The following OSBPL2 variants were observed in gnomAD, a reference collection of about 807,000 sequenced individuals.
The protein encoded by OSBPL2 is oxysterol binding protein like 2.
Under a neutral mutation model 58.4 loss-of-function variants are expected in OSBPL2, and 18 were observed. That is an observed-to-expected ratio of 0.31 (90% CI 0.21 to 0.46). The LOEUF (loss-of-function observed/expected upper bound fraction) is 0.46, where lower values mean the gene tolerates loss of function less well. Among genes scored for constraint, OSBPL2 ranks in the 20% least tolerant of loss-of-function variants. The probability of loss-of-function intolerance (pLI) is 1.00; values close to 1 mark genes in which losing one functional copy is unlikely to be tolerated. For synonymous variants in OSBPL2, 221 were observed against 234.1 expected, an observed-to-expected ratio of 0.94 and a Z score of 0.51; for missense variants, 461 against 616.5, an observed-to-expected ratio of 0.75 and a Z score of 2.67.
At chr20:62,281,625 A>G (rs1312963865) in intron 8 of OSBPL2, 165 bp from the exon 9 acceptor site, 1 of 575,404 alleles carries the variant, frequency 1.7e-6, no homozygotes, top group East Asian at 2.8e-5. Flanking sequence ...AGCCGTCCCC[A>G]CAGCCCATTT....
chr20:62,267,918 T>G (rs1183637778), intron 4 of OSBPL2, among the ~76,000 whole-genome samples: 2 of 152,132 alleles, frequency 1.3e-5, no homozygotes, highest in East Asian at 3.8e-4. Flanking sequence ...AGTCTCGCTC[T>G]GTCGCCCAGG....
chr20:62,289,166 G>A, intron 11 of OSBPL2, 41 bp from the exon 12 acceptor site: 1 of 1,610,488 alleles, frequency 6.2e-7, no homozygotes, highest in Non-Finnish European at 8.5e-7. Flanking sequence ...CCATGGTTCA[G>A]AGGCCCTGCT....
chr20:62,291,674 C>T lies in OSBPL2; in HGVS notation c.1250-29C>T, dbSNP rs771348988. On this transcript the variant is annotated intron_variant, in intron 12 of 13. Transcript: ENST00000313733. Reference sequence around the variant, plus strand: ...CGGGGTGCGGTTCTAAGGTCTCTGTCTGACCTAAACTGTTTGCTTGGATCC... The same window carrying T: ...CGGGGTGCGGTTCTAAGGTCTCTGTTTGACCTAAACTGTTTGCTTGGATCC... 4 of 1,602,092 alleles carry T rather than the reference C, an allele frequency of 2.5e-6. No individual in the cohort carries two copies. In the South Asian group the frequency reaches 3.3e-5, roughly 13 times the overall value.
intron 6 of OSBPL2, among the ~76,000 whole-genome samples, chr20:62,273,656 C>T (rs1443937809): frequency 2.0e-5 from 3 of 152,198 alleles, no homozygotes; most frequent in East Asian, 3.9e-4. Context: ...TCGACTCAAG[C>T]GTGGAGATAG....
chr20:62,271,291 G>A (rs1982038278), intron 4 of OSBPL2, among the ~76,000 whole-genome samples: 1 of 152,048 alleles, frequency 6.6e-6, no homozygotes, highest in South Asian at 2.1e-4. Flanking sequence ...GCAGACACCT[G>A]AGACTCCTTT....
chr20:62,288,564 G>A lies in OSBPL2; in HGVS notation c.1126-643G>A, dbSNP rs1485127768. Among the ~76,000 whole-genome samples, 1 of 150,838 alleles carries A rather than the reference G, an allele frequency of 6.6e-6. No homozygotes were observed. The highest frequency in any genetic ancestry group is 6.6e-5 in the Admixed American group (1 of 15,166). On this transcript the variant is annotated intron_variant, in intron 11 of 13. Transcript: ENST00000313733. This position sits in a 1 kb window ranked among gnomAD's most constrained non-coding sequence, Gnocchi z 4.8. ...GAGGCTGTGGGTGCAGAGGCCGGAGGCTGTGGGTGCAGAGGCTGGGAGGCT... is the reference window on the plus strand; with the variant it reads ...GAGGCTGTGGGTGCAGAGGCCGGAGACTGTGGGTGCAGAGGCTGGGAGGCT...
Position 62,280,039 on chromosome 20 carries a change from C to T in OSBPL2, c.674+700C>T, listed in dbSNP as rs1037657583. The T allele has an allele frequency of 3.1e-6, 4 of 1,304,122 alleles. No homozygotes were observed. The African/African-American group carries it at 4.6e-5, about 15-fold the overall frequency. The allele number at this position is 1,304,122 out of a possible 1,614,324, so 80.8% of individuals were successfully genotyped here. ...ACCAAAGACACCTCAGAGCAAAACA[C>T]AAGTCTCCAACAAATGCCGGCCGCT... On this transcript the variant is annotated intron_variant, in intron 7 of 13. Transcript: ENST00000313733.
At chr20:62,293,724 C>G in intron 13 of OSBPL2, 61 bp from the exon 14 acceptor site, 2 of 1,494,494 alleles carry the variant, frequency 1.3e-6, no homozygotes, top group South Asian at 1.2e-5. Flanking sequence ...GCACCCAGAA[C>G]AGGGCTGCGT....
chr20:62,270,156 G>A (rs1488587375), intron 4 of OSBPL2, among the ~76,000 whole-genome samples: 2 of 152,240 alleles, frequency 1.3e-5, no homozygotes, highest in African/African-American at 4.8e-5. Flanking sequence ...AGTGCCTGTG[G>A]TGTCCTGAGG....
chr20:62,243,741 T>G (rs1042166874), intron 1 of OSBPL2, among the ~76,000 whole-genome samples: 1 of 152,120 alleles, frequency 6.6e-6, no homozygotes, highest in African/African-American at 2.4e-5. Flanking sequence ...CAGGACCCTT[T>G]TTTAGATCAA....
intron 10 of OSBPL2, 43 bp from the exon 11 acceptor site, chr20:62,286,540 G>C (rs116764543): frequency 6.3e-7 from 1 of 1,582,104 alleles, no homozygotes; most frequent in Non-Finnish European, 8.6e-7. Context: ...GGCCAAGAGC[G>C]GCCTGGCCCC....
chr20:62,261,183 G>A (rs1455332968), intron 3 of OSBPL2, among the ~76,000 whole-genome samples: 1 of 152,086 alleles, frequency 6.6e-6, no homozygotes, highest in Non-Finnish European at 1.5e-5. Flanking sequence ...GGGCGTGGCT[G>A]TGCGCATCTG....
intron 1 of OSBPL2, among the ~76,000 whole-genome samples, chr20:62,247,558 A>T (rs1980209407): frequency 6.6e-6 from 1 of 152,100 alleles, no homozygotes. Flanking sequence ...ACCTGTCAGG[A>T]GGAGGAGCAT....
intron 4 of OSBPL2, among the ~76,000 whole-genome samples, chr20:62,268,789 G>A (rs1400030782): frequency 6.6e-6 from 1 of 152,116 alleles, no homozygotes; most frequent in Non-Finnish European, 1.5e-5. Flanking sequence ...TTTTGGCAGT[G>A]GCTCACGCCT....
intron 4 of OSBPL2, among the ~76,000 whole-genome samples, chr20:62,268,496 C>G (rs1981839619): frequency 6.6e-6 from 1 of 152,144 alleles, no homozygotes; most frequent in African/African-American, 2.4e-5. Context: ...TATCTTCTCC[C>G]CACTTCTCCC....
At position 62,293,779 on chromosome 20, in the gene OSBPL2, C is replaced by T. The variant is rs117044226; in HGVS notation, c.1341-6C>T. On this transcript the variant is annotated splice_region_variant and splice_polypyrimidine_tract_variant and intron_variant, in intron 13 of 13. Coordinates refer to ENST00000313733, the MANE Select transcript of OSBPL2 (RefSeq NM_144498.4). Reference sequence around the variant, plus strand: ...TCTTCTGACCCCCCTCCCTTGTATCCGGCAGGTGGTTCTACCCAGGCAATA... The same window carrying T: ...TCTTCTGACCCCCCTCCCTTGTATCTGGCAGGTGGTTCTACCCAGGCAATA... 0.018 allele frequency: 28,233 copies of T among 1,612,726 alleles called. 581 individuals are homozygous for T. Among genetic ancestry groups the T allele is most frequent in the Non-Finnish European group, 0.017 (19,512 of 1,179,338 alleles).
Position 62,269,912 on chromosome 20 carries a change from G to C in OSBPL2, c.259-2213G>C, listed in dbSNP as rs1010117843. 1.3e-5 allele frequency among the ~76,000 whole-genome samples: 2 copies of C among 152,196 alleles called. No individual in the cohort carries two copies. Among genetic ancestry groups the C allele is most frequent in the African/African-American group, 4.8e-5 (2 of 41,448 alleles). ...AGCCCCTCCTAAGCCCACAGTCCCC[G>C]TGTGTCCAGTGCCATCTGGGGCCTG... On this transcript the variant is annotated intron_variant, in intron 4 of 13. Coordinates refer to ENST00000313733, the MANE Select transcript of OSBPL2 (RefSeq NM_144498.4). The surrounding 1 kb of genome is among the most constrained non-coding windows in gnomAD (Gnocchi z 4.2).
intron 10 of OSBPL2, chr20:62,285,194 A>C (rs1983035917): frequency 6.6e-6 from 1 of 152,192 alleles, no homozygotes; most frequent in African/African-American, 2.4e-5. Context: ...CACCTTTTCT[A>C]ATCACCCTCT....
rs6062179 is a variant in OSBPL2, at chr20:62,272,212, C to T, written c.346C>T (p.Leu116Phe). 1 of 1,613,794 alleles carries T rather than the reference C, an allele frequency of 6.2e-7. No homozygotes were observed. The highest frequency in any genetic ancestry group is 8.5e-7 in the Non-Finnish European group (1 of 1,179,930). Reference protein sequence around the residue: ...RITEYMEHVYLIHRASCQPQP... With the variant: ...RITEYMEHVYFIHRASCQPQP... The stretch of plus-strand genomic sequence containing the variant: ...CACGGAGTACATGGAGCACGTGTAC[C>T]TCATCCACAGGGCCTCCTGCCAGCC... The change falls in exon 5 of 14, where the codon CTC becomes TTC. Residue 116 changes from leucine (L) to phenylalanine (F), a missense_variant. Around this residue, in one of 5 missense-constraint regions of OSBPL2, gnomAD observed 38 missense variants for 74.2 expected, o/e 0.51. Coordinates refer to ENST00000313733, the MANE Select transcript of OSBPL2 (RefSeq NM_144498.4).
Sources: gnomAD v4.1 joint callset for allele counts (sites outside exome capture counted in the v4.1 genomes callset) on GRCh38, gnomAD v4.1.1 for gene constraint, gnomAD v4.1.1 regional missense constraint, Gnocchi (gnomAD v3.1) non-coding constraint, MANE v1.5 for transcripts, NCBI Gene and HGNC (gene_info 2026-07-23, HGNC 2026-07-21) for gene names.